DAB1: variants seen among roughly 807,000 people sequenced by gnomAD.
The protein encoded by DAB1 is disabled homolog 1.
Under a neutral mutation model 64.6 loss-of-function variants are expected in DAB1, and 15 were observed. That is an observed-to-expected ratio of 0.23 (90% CI 0.16 to 0.36). The LOEUF (loss-of-function observed/expected upper bound fraction) is 0.36, where lower values mean the gene tolerates loss of function less well. Ranked by LOEUF, DAB1 falls within the 10% of genes least tolerant of loss-of-function variation. DAB1 has a pLI of 1.00. For missense variants in DAB1, 596 were observed against 706.7 expected, an observed-to-expected ratio of 0.84 and a Z score of 1.78; for synonymous variants, 235 against 251.9, an observed-to-expected ratio of 0.93 and a Z score of 0.64.
chr1:57,228,272 C>T (rs529516212), intron 2 of DAB1, among the ~76,000 whole-genome samples: 8 of 152,198 alleles, frequency 5.3e-5, no homozygotes, highest in South Asian at 2.1e-4. Flanking sequence ...CACCCACACA[C>T]GTTAGAATTT....
At chr1:57,941,463 G>A (rs918502754) in intron 5 of DAB1, among the ~76,000 whole-genome samples, 4 of 152,212 alleles carry the variant, frequency 2.6e-5, no homozygotes, top group African/African-American at 9.6e-5. Flanking sequence ...AGGATTAAAT[G>A]AGATCATGAA....
At chr1:57,595,054 T>A (rs961837443) in intron 7 of DAB1, among the ~76,000 whole-genome samples, 1 of 152,132 alleles carries the variant, frequency 6.6e-6, no homozygotes, top group Non-Finnish European at 1.5e-5. Flanking sequence ...TAGAATTACA[T>A]GTTGAATATA....
intron 1 of DAB1, among the ~76,000 whole-genome samples, chr1:58,531,834 G>A (rs552667311): frequency 1.3e-5 from 2 of 151,460 alleles, no homozygotes; most frequent in African/African-American, 4.9e-5. Context: ...TCAGCCTCCC[G>A]AGTACCTGTG....
At chr1:57,679,968 G>A (rs1646617144) in intron 6 of DAB1, among the ~76,000 whole-genome samples, 1 of 152,156 alleles carries the variant, frequency 6.6e-6, no homozygotes, top group Non-Finnish European at 1.5e-5. Context: ...CTCATTCAAG[G>A]TCACATAGCT....
Position 58,527,229 on chromosome 1 carries a change from CA to C in DAB1, n.107+31del, listed in dbSNP as rs745604810. 3.5e-6 allele frequency: 3 copies of C among 866,392 alleles called. No individual in the cohort carries two copies. The African/African-American group carries it at 4.9e-5, about 14-fold the overall frequency. The allele number at this position is 866,392 out of a possible 1,614,324, so 53.7% of individuals were successfully genotyped here. On this transcript the variant is annotated intron_variant and non_coding_transcript_variant, in intron 2 of 20. Coordinates refer to the DAB1 transcript ENST00000485760. The stretch of plus-strand genomic sequence containing the variant: ...CGTTTATCTTTCAGCCTGGGAAGGG[CA>C]TTATGTATTCTCAACTACTAAACAC...
chr1:57,254,961 C>G (rs1570068412), intron 2 of DAB1, among the ~76,000 whole-genome samples: 1 of 152,118 alleles, frequency 6.6e-6, no homozygotes, highest in South Asian at 2.1e-4. Context: ...AAATGGCATA[C>G]AGCATTCTTT....
intron 6 of DAB1, among the ~76,000 whole-genome samples, chr1:57,807,624 C>T (rs1259397435): frequency 2.6e-5 from 4 of 152,148 alleles, no homozygotes; most frequent in Admixed American, 1.3e-4. Flanking sequence ...GCATAATTGA[C>T]CTTTGAACCA....
At chr1:57,414,188 T>G (rs1202637742) in intron 1 of DAB1, among the ~76,000 whole-genome samples, 1 of 152,214 alleles carries the variant, frequency 6.6e-6, no homozygotes. Context: ...GGTAAAATAC[T>G]GTCAAACAGC....
intron 14 of DAB1, among the ~76,000 whole-genome samples, chr1:57,010,216 C>A (rs56051016): frequency 3.3e-5 from 5 of 152,124 alleles, no homozygotes; most frequent in Non-Finnish European, 7.4e-5. Context: ...CCATGGCTCA[C>A]TGAGAAATTA....
chr1:57,957,733 C>T (rs1010835612), intron 5 of DAB1, among the ~76,000 whole-genome samples: 2 of 152,128 alleles, frequency 1.3e-5, no homozygotes, highest in African/African-American at 4.8e-5. Context: ...AAAGAAAAAC[C>T]TCTGATGGAA....
At chr1:58,201,017 G>GTT (rs1238588981) in intron 4 of DAB1, among the ~76,000 whole-genome samples, 2 of 138,796 alleles carry the variant, frequency 1.4e-5, no homozygotes, top group Non-Finnish European at 3.2e-5. Context: ...ATTTTTGTTT[G>GTT]TTTTGTTTTT....
chr1:57,657,460 G>T (rs548798510), intron 6 of DAB1, among the ~76,000 whole-genome samples: 1 of 152,298 alleles, frequency 6.6e-6, no homozygotes, highest in South Asian at 2.1e-4. Flanking sequence ...ATTGCAGGGT[G>T]TCACTGACCC....
intron 2 of DAB1, among the ~76,000 whole-genome samples, chr1:57,286,971 A>G (rs1015597270): frequency 1.3e-5 from 2 of 152,270 alleles, no homozygotes; most frequent in African/African-American, 4.8e-5. Flanking sequence ...AATCATTGAA[A>G]TAAATACAGA....
intron 4 of DAB1, among the ~76,000 whole-genome samples, chr1:58,217,861 T>C (rs1658938066): frequency 6.6e-6 from 1 of 152,134 alleles, no homozygotes; most frequent in South Asian, 2.1e-4. Flanking sequence ...TTCATAAATA[T>C]CTGTTAATAT....
chr1:58,146,762 A>G (rs954279173), intron 5 of DAB1, among the ~76,000 whole-genome samples: 10 of 152,016 alleles, frequency 6.6e-5, no homozygotes, highest in Admixed American at 6.6e-5. Context: ...TTATAATAGA[A>G]TATATGTGAA....
chr1:57,088,588 C>T (rs1019452580), intron 4 of DAB1, among the ~76,000 whole-genome samples: 1 of 152,190 alleles, frequency 6.6e-6, no homozygotes, highest in African/African-American at 2.4e-5. Flanking sequence ...CATGGATCAA[C>T]CTGCTACCAC....
At chr1:57,806,334 T>TA (rs1460091719) in intron 6 of DAB1, among the ~76,000 whole-genome samples, 1 of 152,160 alleles carries the variant, frequency 6.6e-6, no homozygotes, top group Non-Finnish European at 1.5e-5. Context: ...GTAATCAAGT[T>TA]AAAATGAGGT....
intron 6 of DAB1, among the ~76,000 whole-genome samples, chr1:57,774,369 T>A (rs951629682): frequency 6.6e-6 from 1 of 151,874 alleles, no homozygotes; most frequent in East Asian, 1.9e-4. Context: ...TAAAATTTTC[T>A]ACATCTGTGA....
chr1:57,041,748 T>C (rs1647818635), intron 9 of DAB1, among the ~76,000 whole-genome samples: 1 of 152,184 alleles, frequency 6.6e-6, no homozygotes, highest in African/African-American at 2.4e-5. Flanking sequence ...CAGTATCCTT[T>C]AGGAATATGA....
Sources: allele counts gnomAD v4.1 joint callset (sites outside exome capture counted in the v4.1 genomes callset), GRCh38; gene constraint gnomAD v4.1.1; transcripts MANE v1.5; gene names NCBI Gene and HGNC (gene_info 2026-07-23, HGNC 2026-07-21).